DMD: variants seen among roughly 807,000 people sequenced by gnomAD.
The protein encoded by DMD is mutant dystrophin.
A neutral mutation model predicts 330.1 loss-of-function variants in DMD; 63 were observed. That is an observed-to-expected ratio of 0.19 (90% CI 0.16 to 0.24). The LOEUF is 0.24. Among genes scored for constraint, DMD ranks in the 10% least tolerant of loss-of-function variants. DMD has a pLI of 1.00. For missense variants in DMD, 3,344 were observed against 2,684.1 expected (o/e 1.25, Z -5.43); for synonymous variants, 1,223 against 959.8 (o/e 1.27, Z -5.07).
chrX:32,818,369 T>A (rs1266057202), intron 5 of DMD, among the ~76,000 whole-genome samples: 4 of 111,196 alleles, frequency 3.6e-5, no homozygotes, highest in Non-Finnish European at 5.6e-5. Flanking sequence ...TAGGTGCAAA[T>A]GTTGCTCAGA....
intron 7 of DMD, among the ~76,000 whole-genome samples, chrX:32,732,153 A>G (rs923274353): frequency 8.9e-6 from 1 of 111,876 alleles, no homozygotes. Flanking sequence ...ACTGGAAGAA[A>G]GGGTATCAGT....
intron 4 of DMD, among the ~76,000 whole-genome samples, chrX:32,826,459 A>G (rs2078699536): frequency 9.0e-6 from 1 of 111,471 alleles, no homozygotes; most frequent in African/African-American, 3.3e-5. Flanking sequence ...AGATGAAAGA[A>G]TAAAGAAAAT....
intron 44 of DMD, among the ~76,000 whole-genome samples, chrX:32,060,043 T>C (rs2096211535): frequency 9.0e-6 from 1 of 111,196 alleles, no homozygotes; most frequent in African/African-American, 3.3e-5. Context: ...TCTTCTCTGT[T>C]TGAAGAAGTT....
At chrX:31,385,738 A>G (rs1207452496) in intron 60 of DMD, among the ~76,000 whole-genome samples, 1 of 112,373 alleles carries the variant, frequency 8.9e-6, no homozygotes, top group Non-Finnish European at 1.9e-5. Flanking sequence ...AACAGATGCC[A>G]GAGAGGATGT....
chrX:31,879,518 C>A (rs1243001725), intron 47 of DMD, among the ~76,000 whole-genome samples: 2 of 111,839 alleles, frequency 1.8e-5, no homozygotes, highest in Non-Finnish European at 3.8e-5. Context: ...TGTACCAGCT[C>A]ATCTTCCTAC....
At chrX:33,197,513 C>T (rs1479636865) in intron 1 of DMD, among the ~76,000 whole-genome samples, 1 of 111,197 alleles carries the variant, frequency 9.0e-6, no homozygotes, top group Non-Finnish European at 1.9e-5. Flanking sequence ...GTAACAAACA[C>T]CACAATCAAA....
At chrX:32,443,644 T>G (rs1210953453) in intron 27 of DMD, among the ~76,000 whole-genome samples, 1 of 111,298 alleles carries the variant, frequency 9.0e-6, no homozygotes, top group Non-Finnish European at 1.9e-5. Context: ...CTGTCCTCAA[T>G]GCATCTGAAG....
At chrX:31,479,252 T>A (rs17338590) in intron 57 of DMD, 149 bp from the exon 58 acceptor site, 20 of 654,783 alleles carry the variant, frequency 3.1e-5, no homozygotes, top group African/African-American at 2.9e-4. Flanking sequence ...TGATTTTTTT[T>A]AAAGGCTATA....
intron 41 of DMD, among the ~76,000 whole-genome samples, chrX:32,326,364 C>T (rs947547262): frequency 1.1e-4 from 12 of 112,090 alleles, no homozygotes; most frequent in African/African-American, 3.9e-4. Context: ...GTTCAGCAGG[C>T]ATTTTTTTCA....
intron 55 of DMD, among the ~76,000 whole-genome samples, chrX:31,580,682 C>T (rs1603400319): frequency 1.8e-5 from 2 of 111,877 alleles, no homozygotes; most frequent in Admixed American, 1.9e-4. Context: ...CCACTGTTAC[C>T]ATCATATTGT....
chrX:32,032,281 A>G, intron 44 of DMD, among the ~76,000 whole-genome samples: 1 of 111,706 alleles, frequency 9.0e-6, no homozygotes, highest in Non-Finnish European at 1.9e-5. Flanking sequence ...TAGTCACTGA[A>G]TCTTTTCCAC....
chrX:32,177,721 G>A (rs1204348840), intron 44 of DMD, among the ~76,000 whole-genome samples: 2 of 110,941 alleles, frequency 1.8e-5, no homozygotes, highest in African/African-American at 3.3e-5. Context: ...TGTCTGTCAT[G>A]TTCACTTCTG....
intron 1 of DMD, among the ~76,000 whole-genome samples, chrX:33,261,422 G>C (rs893495149): frequency 9.0e-6 from 1 of 110,782 alleles, no homozygotes; most frequent in Non-Finnish European, 1.9e-5. Context: ...CCCCCCATGG[G>C]TAGTGGCTTC....
chrX:31,445,476 C>G (rs763416745), intron 59 of DMD, among the ~76,000 whole-genome samples: 1 of 112,001 alleles, frequency 8.9e-6, no homozygotes, highest in South Asian at 3.7e-4. Flanking sequence ...AAATATATTG[C>G]TGCTGGATTC....
At chrX:31,759,288 A>C (rs1405618289) in intron 51 of DMD, among the ~76,000 whole-genome samples, 7 of 63,611 alleles carry the variant, frequency 1.1e-4, no homozygotes, top group Non-Finnish European at 3.1e-5. Flanking sequence ...TAATTGACAA[A>C]AAAAAAAAAA....
chrX:33,131,868 A>C (rs1260897721), intron 1 of DMD, among the ~76,000 whole-genome samples: 1 of 112,079 alleles, frequency 8.9e-6, no homozygotes, highest in African/African-American at 3.2e-5. Flanking sequence ...TCAGTACTTC[A>C]GGGGAAAGCG....
intron 25 of DMD, among the ~76,000 whole-genome samples, chrX:32,462,550 A>T (rs1211146868): frequency 8.9e-6 from 1 of 111,829 alleles, no homozygotes; most frequent in Admixed American, 9.6e-5. Context: ...TCTATAAAAT[A>T]TTCTTCTGTA....
At chrX:33,220,251 T>C (rs1441529578) in intron 1 of DMD, among the ~76,000 whole-genome samples, 1 of 110,930 alleles carries the variant, frequency 9.0e-6, no homozygotes, top group African/African-American at 3.3e-5. Context: ...GCAAAATGGG[T>C]GTGGTAGCGA....
intron 7 of DMD, among the ~76,000 whole-genome samples, chrX:32,721,579 G>T (rs1206347288): frequency 9.0e-6 from 1 of 110,664 alleles, no homozygotes; most frequent in Non-Finnish European, 1.9e-5. Context: ...AATTGTGCAA[G>T]TTCCTTATAT....
Sources: allele counts gnomAD v4.1 joint callset (sites outside exome capture counted in the v4.1 genomes callset), GRCh38; gene constraint gnomAD v4.1.1; transcripts MANE v1.5; gene names NCBI Gene and HGNC (gene_info 2026-07-23, HGNC 2026-07-21).